Variants in CEACAM18 observed in about 807,000 individuals in gnomAD.
CEACAM18 encodes the protein CEA cell adhesion molecule 18.
In CEACAM18, 33 loss-of-function variants were observed where a neutral mutation model predicts 34.3. That is an observed-to-expected ratio of 0.96 (90% CI 0.73 to 1.29). The LOEUF (loss-of-function observed/expected upper bound fraction) is 1.29, where lower values mean the gene tolerates loss of function less well. Ranked by LOEUF, CEACAM18 falls within the 50% of genes most tolerant of loss-of-function variation. The pLI, the probability that CEACAM18 is intolerant of heterozygous loss-of-function variation, is 0.00. For synonymous variants in CEACAM18, 169 were observed against 180.9 expected (o/e 0.93, Z 0.53); for missense variants, 474 against 485.0 (o/e 0.98, Z 0.21).
At chr19:51,490,851 G>A in exon 6 of CEACAM18, 1 of 386,964 alleles carries the variant, frequency 2.6e-6, no homozygotes, top group South Asian at 1.4e-4. Flanking sequence ...TGGCCATTGG[G>A]CGCTTCATCT....
chr19:51,486,912 C>T (rs1286106289), intron 5 of CEACAM18, among the ~76,000 whole-genome samples: 3 of 150,472 alleles, frequency 2.0e-5, no homozygotes, highest in South Asian at 2.1e-4. Flanking sequence ...TTAGTAGAGA[C>T]GGGGTTTCAC....
chr19:51,490,529 C>T (rs56365959), intron 5 of CEACAM18, 58 bp from the exon 6 acceptor site: 1 of 1,226,396 alleles, frequency 8.2e-7, no homozygotes, highest in Non-Finnish European at 1.0e-6. Context: ...CTATCCAGGA[C>T]TCTCCCATGT....
At chr19:51,488,726 G>T (rs915225077) in intron 5 of CEACAM18, among the ~76,000 whole-genome samples, 2 of 152,178 alleles carry the variant, frequency 1.3e-5, no homozygotes, top group Non-Finnish European at 2.9e-5. Context: ...GGCTGCAGAA[G>T]GTGCCAGAGT....
intron 4 of CEACAM18, 69 bp downstream of exon 4, chr19:51,483,365 C>G: frequency 6.4e-7 from 1 of 1,567,070 alleles, no homozygotes; most frequent in Non-Finnish European, 8.8e-7. Flanking sequence ...TAGGCAGTGC[C>G]CACCCTCAGG....
At chr19:51,487,537 C>T (rs755062933) in intron 5 of CEACAM18, among the ~76,000 whole-genome samples, 3 of 151,610 alleles carry the variant, frequency 2.0e-5, no homozygotes, top group African/African-American at 4.8e-5. Flanking sequence ...AAGGCCAAGG[C>T]GGGCGGATCA....
chr19:51,482,069 A>G (rs1416486171), intron 3 of CEACAM18, among the ~76,000 whole-genome samples: 1 of 152,220 alleles, frequency 6.6e-6, no homozygotes, highest in Non-Finnish European at 1.5e-5. Context: ...TACTAAATTT[A>G]GTATAGTCCC....
rs1323226300 is a variant in CEACAM18, at chr19:51,483,138, C to G, written c.795C>G (p.Tyr265Ter). The change falls in exon 4 of 6, where the codon TAC (tyrosine) becomes TAG (stop). Residue 265 changes from tyrosine to a stop codon, truncating the protein, a stop_gained. Coordinates refer to ENST00000396477, the Ensembl canonical transcript of CEACAM18. LOFTEE classifies it high-confidence loss of function. ...GCTATTCCTTCCTGGATCTCAAGTA[C>G]CACTGGATCCACAATGGCTCCCTCC... The G allele has an allele frequency of 6.2e-7, 1 of 1,613,896 alleles. No individual in the cohort carries two copies. Among genetic ancestry groups the G allele is most frequent in the East Asian group, 2.2e-5 (1 of 44,898 alleles).
At chr19:51,484,569 T>C (rs62115077) in intron 4 of CEACAM18, among the ~76,000 whole-genome samples, 29,791 of 152,076 alleles carry the variant, frequency 0.2, 3,061 homozygotes, top group Middle Eastern at 0.36. Context: ...TGATCCACCT[T>C]GGGCGAGCTT....
intron 2 of CEACAM18, 107 bp from the exon 3 acceptor site, chr19:51,481,286 A>T: frequency 8.2e-7 from 1 of 1,218,466 alleles, no homozygotes; most frequent in South Asian, 1.5e-5. Context: ...ATCTTATCTT[A>T]CAGCTCTTGG....
At chr19:51,480,420 T>C in exon 2 of CEACAM18, 1 of 1,613,446 alleles carries the variant, frequency 6.2e-7, no homozygotes, top group Non-Finnish European at 8.5e-7. Flanking sequence ...CGGACTGTCG[T>C]GGCCCTGGAT....
intron 3 of CEACAM18, among the ~76,000 whole-genome samples, chr19:51,482,185 T>C (rs1397750114): frequency 6.6e-6 from 1 of 152,142 alleles, no homozygotes; most frequent in African/African-American, 2.4e-5. Context: ...TTTTATAGCC[T>C]TTTAGCTGCC....
chr19:51,490,356 C>T (rs58943327), intron 5 of CEACAM18, among the ~76,000 whole-genome samples: 3,160 of 152,232 alleles, frequency 0.021, 95 homozygotes, highest in African/African-American at 0.063. Context: ...TCTCCCCACA[C>T]AGTGGCATCT....
intron 5 of CEACAM18, among the ~76,000 whole-genome samples, chr19:51,485,773 C>T (rs1989988729): frequency 6.6e-6 from 1 of 152,222 alleles, no homozygotes; most frequent in Non-Finnish European, 1.5e-5. Flanking sequence ...GACCATAATT[C>T]TCTGATGGGG....
At chr19:51,485,432 T>C (rs751503678) in intron 5 of CEACAM18, among the ~76,000 whole-genome samples, 1 of 152,228 alleles carries the variant, frequency 6.6e-6, no homozygotes, top group South Asian at 2.1e-4. Context: ...GAGGTCTGCA[T>C]GTCAATTCCT....
At chr19:51,488,925 T>C (rs1245709185) in intron 5 of CEACAM18, among the ~76,000 whole-genome samples, 1 of 151,970 alleles carries the variant, frequency 6.6e-6, no homozygotes, top group East Asian at 1.9e-4. Flanking sequence ...ATGTATAAAA[T>C]ATAGGGTGGG....
At chr19:51,485,097 G>A in exon 5 of CEACAM18, 2 of 1,528,906 alleles carry the variant, frequency 1.3e-6, no homozygotes, top group South Asian at 1.2e-5. Flanking sequence ...CCTGATCCAT[G>A]CTCTGATCAA....
At position 51,478,806 on chromosome 19, in the gene CEACAM18, A is replaced by T. The variant is rs577342622; in HGVS notation, c.52+112A>T. On this transcript the variant is annotated intron_variant, in intron 1 of 5. Transcript: ENST00000396477. ...TCCCCATCCACGGGCACATCAAGAA[A>T]CTCCCAGAGCAGGGGTCGGGGAGAG... is the stretch of plus-strand genomic sequence containing the variant. The T allele has an allele frequency of 3.3e-4, 236 of 720,970 alleles. 3 individuals are homozygous for T. In the Middle Eastern group the frequency reaches 0.013, roughly 40 times the overall value. 44.7% of individuals were successfully genotyped at this position (720,970 alleles called of 1,614,324 possible).
At chr19:51,487,432 C>T (rs1288772257) in intron 5 of CEACAM18, among the ~76,000 whole-genome samples, 2 of 152,066 alleles carry the variant, frequency 1.3e-5, no homozygotes, top group Non-Finnish European at 2.9e-5. Flanking sequence ...CGAGATCGTG[C>T]CACTGCACTC....
At position 51,483,014 on chromosome 19, in the gene CEACAM18, C is replaced by T. The variant is rs1318604931; in HGVS notation, c.674-3C>T. The T allele has an allele frequency of 6.2e-7, 1 of 1,613,564 alleles. No individual in the cohort carries two copies. The highest frequency in any genetic ancestry group is 2.2e-5 in the East Asian group (1 of 44,868). Reference sequence around the variant, plus strand: ...GCCTGGGCCTCCTACCCTGTCTCTACAGATGGGCCCGACTATGTGCTGCTG... The same window carrying T: ...GCCTGGGCCTCCTACCCTGTCTCTATAGATGGGCCCGACTATGTGCTGCTG... On this transcript the variant is annotated splice_region_variant and splice_polypyrimidine_tract_variant and intron_variant, in intron 3 of 5. Transcript: ENST00000396477.
Sources: gnomAD v4.1 joint callset for allele counts (sites outside exome capture counted in the v4.1 genomes callset) on GRCh38, gnomAD v4.1.1 for gene constraint, MANE v1.5 for transcripts, NCBI Gene and HGNC (gene_info 2026-07-23, HGNC 2026-07-21) for gene names.